ADGRL2: variants seen among roughly 807,000 people sequenced by gnomAD.
ADGRL2 encodes the protein adhesion G protein-coupled receptor L2, also known as calcium-independent alpha-latrotoxin receptor 2.
In ADGRL2, 44 loss-of-function variants were observed where a neutral mutation model predicts 157.4. The observed-to-expected ratio is 0.28, with a 90% CI of 0.22 to 0.36. The LOEUF (loss-of-function observed/expected upper bound fraction) is 0.36. Among genes scored for constraint, ADGRL2 ranks in the 10% least tolerant of loss-of-function variants. The pLI is 1.00. For synonymous variants in ADGRL2, 585 were observed against 624.7 expected (o/e 0.94, Z 0.95); for missense variants, 1,510 against 1,768.9 (o/e 0.85, Z 2.63).
intron 3 of ADGRL2, among the ~76,000 whole-genome samples, chr1:81,591,010 T>G (rs1300415932): frequency 2.6e-5 from 4 of 152,036 alleles, no homozygotes. Context: ...TCACGTGGAG[T>G]GTGTAACTCA....
chr1:81,872,585 A>G (rs141584773), intron 2 of ADGRL2, among the ~76,000 whole-genome samples: 350 of 152,206 alleles, frequency 2.3e-3, no homozygotes, highest in African/African-American at 7.5e-3. Flanking sequence ...AGATTAATCA[A>G]GTGTTGGTGC....
intron 2 of ADGRL2, among the ~76,000 whole-genome samples, chr1:81,546,098 G>T (rs371864383): frequency 6.6e-6 from 1 of 151,704 alleles, no homozygotes; most frequent in Non-Finnish European, 1.5e-5. Context: ...TTTATATCCC[G>T]TCCACCACTA....
chr1:81,722,868 G>A, intron 1 of ADGRL2: 6 of 711,718 alleles, frequency 8.4e-6, no homozygotes, highest in Non-Finnish European at 1.5e-5. Flanking sequence ...AATTTTCCCA[G>A]AGGAATATCT....
chr1:81,646,406 A>T (rs560599933), intron 3 of ADGRL2, among the ~76,000 whole-genome samples: 2 of 152,184 alleles, frequency 1.3e-5, no homozygotes, highest in Admixed American at 1.3e-4. Flanking sequence ...GAATGACTTC[A>T]TGGGTGGAAA....
chr1:81,861,359 T>C lies in ADGRL2; in HGVS notation c.73+24302T>C, dbSNP rs1051365505. On this transcript the variant is annotated intron_variant, in intron 2 of 23. Coordinates refer to ENST00000686636, the MANE Select transcript of ADGRL2 (RefSeq NM_001366006.2). ...AATTGGATGATAAAGTAGCAAAGTA[T>C]TTTTATCATAGCTAGTTTTGCAAAG... 1.7e-3 allele frequency among the ~76,000 whole-genome samples: 265 copies of C among 152,292 alleles called. 1 individual carries two copies. The highest frequency in any genetic ancestry group is 6.2e-3 in the African/African-American group (257 of 41,554).
At chr1:81,393,812 G>C (rs1157193241) in intron 1 of ADGRL2, among the ~76,000 whole-genome samples, 1 of 121,168 alleles carries the variant, frequency 8.3e-6, no homozygotes, top group East Asian at 2.6e-4. Context: ...TAATACTATT[G>C]CCTTGCTTTT....
chr1:81,452,035 A>C (rs1304479939), intron 2 of ADGRL2, among the ~76,000 whole-genome samples: 1 of 152,000 alleles, frequency 6.6e-6, no homozygotes, highest in Non-Finnish European at 1.5e-5. Context: ...TTCTTGTTCA[A>C]CTTTCCCTTT....
At chr1:81,339,435 T>C (rs535846703) in intron 1 of ADGRL2, among the ~76,000 whole-genome samples, 3 of 152,216 alleles carry the variant, frequency 2.0e-5, no homozygotes, top group Non-Finnish European at 4.4e-5. Flanking sequence ...CATCTCACCT[T>C]TACTGAAAGC....
chr1:81,579,780 G>A (rs2080869277), intron 2 of ADGRL2, among the ~76,000 whole-genome samples: 1 of 151,702 alleles, frequency 6.6e-6, no homozygotes, highest in African/African-American at 2.4e-5. Flanking sequence ...ATTTTCTCCT[G>A]AGATGCAATT....
intron 2 of ADGRL2, among the ~76,000 whole-genome samples, chr1:81,790,505 G>A (rs2087282467): frequency 6.6e-6 from 1 of 152,114 alleles, no homozygotes; most frequent in Non-Finnish European, 1.5e-5. Flanking sequence ...CAAATTTATT[G>A]TTATGTAAAT....
intron 2 of ADGRL2, among the ~76,000 whole-genome samples, chr1:81,466,173 C>T (rs2078048244): frequency 6.6e-6 from 1 of 152,168 alleles, no homozygotes; most frequent in Admixed American, 6.5e-5. Context: ...GGCCTAAGCC[C>T]ACTGTCAGTG....
At chr1:81,368,509 A>C (rs1211712211) in intron 1 of ADGRL2, among the ~76,000 whole-genome samples, 2 of 152,042 alleles carry the variant, frequency 1.3e-5, no homozygotes, top group Non-Finnish European at 2.9e-5. Context: ...CCTCATTCAT[A>C]TTTGCCATGT....
intron 2 of ADGRL2, among the ~76,000 whole-genome samples, chr1:81,558,027 C>T (rs1416881721): frequency 1.3e-5 from 2 of 152,204 alleles, no homozygotes; most frequent in Non-Finnish European, 2.9e-5. Context: ...TGTCTGGCTT[C>T]TCTATAACAG....
At chr1:81,934,622 G>A (rs190322290) in intron 3 of ADGRL2, among the ~76,000 whole-genome samples, 1 of 152,038 alleles carries the variant, frequency 6.6e-6, no homozygotes, top group African/African-American at 2.4e-5. Flanking sequence ...TTGCTAGTTT[G>A]TTGATATGAG....
rs576079287 is a variant in ADGRL2, at chr1:81,805,593, CT to C, written c.-101+4534del. 3.2e-3 allele frequency among the ~76,000 whole-genome samples: 483 copies of C among 149,116 alleles called. 6 individuals are homozygous for C. The highest frequency in any genetic ancestry group is 0.011 in the African/African-American group (459 of 40,728). ...TTAGCTTAAGTGTAATCGGATGATC[CT>C]TTTTTTTTGGATTACAATTAGGGTT... On this transcript the variant is annotated intron_variant, in intron 1 of 23. Coordinates refer to ENST00000686636, the MANE Select transcript of ADGRL2 (RefSeq NM_001366006.2).
At chr1:81,925,478 A>G (rs1300730609) in intron 3 of ADGRL2, among the ~76,000 whole-genome samples, 2 of 151,898 alleles carry the variant, frequency 1.3e-5, no homozygotes, top group Non-Finnish European at 2.9e-5. Flanking sequence ...GTGAAGAAAT[A>G]CAGTATGTGA....
chr1:81,808,958 A>G (rs1235156600), intron 1 of ADGRL2, among the ~76,000 whole-genome samples: 1 of 152,082 alleles, frequency 6.6e-6, no homozygotes, highest in Non-Finnish European at 1.5e-5. Flanking sequence ...GGGAGGACAA[A>G]TGTCACTTTA....
chr1:81,347,725 G>A (rs1301901222), intron 1 of ADGRL2, among the ~76,000 whole-genome samples: 1 of 152,148 alleles, frequency 6.6e-6, no homozygotes, highest in Non-Finnish European at 1.5e-5. Flanking sequence ...AAAATACTAA[G>A]GTTGTGGCTG....
intron 2 of ADGRL2, among the ~76,000 whole-genome samples, chr1:81,527,129 T>C (rs1433888986): frequency 6.6e-6 from 1 of 152,260 alleles, no homozygotes; most frequent in African/African-American, 2.4e-5. Flanking sequence ...GCATTTAATC[T>C]GTTAGGTACT....
Sources: allele counts gnomAD v4.1 joint callset (sites outside exome capture counted in the v4.1 genomes callset), GRCh38; gene constraint gnomAD v4.1.1; transcripts MANE v1.5; gene names NCBI Gene and HGNC (gene_info 2026-07-23, HGNC 2026-07-21).